Variants in CPT1A observed in about 807,000 individuals in gnomAD.
CPT1A encodes the protein carnitine O-palmitoyltransferase 1, liver isoform.
In CPT1A, 64 loss-of-function variants were observed where a neutral mutation model predicts 100.8. The ratio of observed to expected loss-of-function variants is 0.63; its 90% CI spans 0.52 to 0.78. CPT1A has a LOEUF of 0.78. Among genes scored for constraint, CPT1A ranks in the 30% least tolerant of loss-of-function variants. The pLI is 0.00. For synonymous variants in CPT1A, 363 were observed against 396.0 expected, an observed-to-expected ratio of 0.92 and a Z score of 0.99; for missense variants, 802 against 1,034.1, an observed-to-expected ratio of 0.78 and a Z score of 3.08.
Position 68,825,433 on chromosome 11 carries a change from C to T in CPT1A, c.-13-9946G>A, listed in dbSNP as rs116549125. On this transcript the variant is annotated intron_variant, in intron 1 of 18. Coordinates refer to ENST00000265641, the MANE Select transcript of CPT1A (RefSeq NM_001876.4). ...AACAGGGCTGGCAGCAGAGAAACGG[C>T]GTAACCCATCCGGAGCCAGGGAAGA... 7.8e-3 allele frequency among the ~76,000 whole-genome samples: 1,184 copies of T among 152,186 alleles called. 11 individuals carry two copies. The highest frequency in any genetic ancestry group is 0.027 in the African/African-American group (1,100 of 41,492).
In CPT1A at chr11:68,781,707, C is replaced by T. The variant is rs926256239; in HGVS notation, c.1352+64G>A. ...TAGATACTTAGGGGTGAGTGTCAGG[C>T]ACACAGGGTATTTCTTCCAAGCTCA... On this transcript the variant is annotated intron_variant, in intron 11 of 18. Coordinates refer to ENST00000265641, the MANE Select transcript of CPT1A (RefSeq NM_001876.4). 4 of 1,374,350 alleles carry T rather than the reference C, an allele frequency of 2.9e-6. No homozygotes were observed. The Admixed American group carries it at 6.7e-5, about 23-fold the overall frequency. The allele number at this position is 1,374,350 out of a possible 1,614,324, so 85.1% of individuals were successfully genotyped here. A position where few individuals can be genotyped will look rare whatever the true frequency, so the allele number is the denominator to read the frequency against.
At chr11:68,814,663 T>G (rs1361170954) in intron 2 of CPT1A, among the ~76,000 whole-genome samples, 1 of 151,802 alleles carries the variant, frequency 6.6e-6, no homozygotes, top group South Asian at 2.1e-4. Context: ...AGTTATTACA[T>G]CCACTTGCTG....
At chr11:68,773,904 T>C (rs1168993520) in intron 13 of CPT1A, 1 of 246,024 alleles carries the variant, frequency 4.1e-6, no homozygotes, top group African/African-American at 2.2e-5. Flanking sequence ...ACTATGAGCT[T>C]CCTCCAGCAG....
At chr11:68,815,941 C>T (rs1856376722) in intron 1 of CPT1A, among the ~76,000 whole-genome samples, 1 of 150,942 alleles carries the variant, frequency 6.6e-6, no homozygotes, top group African/African-American at 2.4e-5. Context: ...CCAACCCTGG[C>T]CCTGGACATT....
At chr11:68,827,946 G>A (rs145549442) in intron 1 of CPT1A, among the ~76,000 whole-genome samples, 1 of 152,298 alleles carries the variant, frequency 6.6e-6, no homozygotes, top group East Asian at 1.9e-4. Context: ...TTGTGTCCCT[G>A]CTGGGGCTCA....
At chr11:68,777,422 C>A (rs1463901331) in intron 12 of CPT1A, among the ~76,000 whole-genome samples, 1 of 152,028 alleles carries the variant, frequency 6.6e-6, no homozygotes, top group African/African-American at 2.4e-5. Flanking sequence ...AGAGCAAGAC[C>A]CTGTCTCAAA....
At chr11:68,779,491 T>TA (rs369619747) in intron 12 of CPT1A, among the ~76,000 whole-genome samples, 3,409 of 86,954 alleles carry the variant, frequency 0.039, 122 homozygotes, top group Non-Finnish European at 0.052. Context: ...AACGAATTAT[T>TA]AAAAAAAAAA....
intron 14 of CPT1A, among the ~76,000 whole-genome samples, chr11:68,763,238 C>G (rs1004295539): frequency 2.6e-5 from 4 of 152,038 alleles, no homozygotes; most frequent in Non-Finnish European, 5.9e-5. Flanking sequence ...TCAGGAAGGG[C>G]CTGGTGGAGG....
At chr11:68,760,198 C>T (rs200788271) in intron 17 of CPT1A, 27 bp downstream of exon 17, 108 of 1,528,078 alleles carry the variant, frequency 7.1e-5, no homozygotes, top group East Asian at 6.0e-4. Context: ...CGCCCCACTG[C>T]GCCTCGCCCA....
At chr11:68,781,615 A>G (rs1408506151) in intron 11 of CPT1A, among the ~76,000 whole-genome samples, 156 bp downstream of exon 11, 2 of 152,168 alleles carry the variant, frequency 1.3e-5, no homozygotes, top group African/African-American at 4.8e-5. Flanking sequence ...GCAAGACTCC[A>G]TTTCAAAAAA....
rs775639278 is a variant in CPT1A at position 68,762,651 on chromosome 11, C to T, written c.1851G>A (p.Arg617=). Residue 617 remains arginine, a synonymous_variant, in exon 15 of 19, where the codon CGG becomes CGA. Coordinates refer to ENST00000265641, the MANE Select transcript of CPT1A (RefSeq NM_001876.4). ...SCTTESCDFV[R]AMVDPAQTVE... ...CCGTCTGGGCCGGGTCCACCATGGC[C>T]CGCACGAAGTCGCATGACTCAGTGG... is the stretch of plus-strand genomic sequence containing the variant. 3.1e-6 allele frequency: 5 copies of T among 1,613,860 alleles called. No homozygotes were observed. The Admixed American group carries it at 8.3e-5, about 27-fold the overall frequency.
chr11:68,805,698 G>A (rs887473913), intron 4 of CPT1A, among the ~76,000 whole-genome samples: 1 of 152,224 alleles, frequency 6.6e-6, no homozygotes, highest in Non-Finnish European at 1.5e-5. Context: ...CCACGGATCA[G>A]CCCCATTCGA....
In CPT1A at chr11:68,773,392, T is replaced by C. The variant is rs1855050271; in HGVS notation, c.1613A>G (p.Asn538Ser). 6.2e-7 allele frequency: 1 copy of C among 1,614,030 alleles called. No homozygotes were observed. The highest frequency in any genetic ancestry group is 8.5e-7 in the Non-Finnish European group (1 of 1,179,998). Residue 538 changes from asparagine (N) to serine (S), a missense_variant, in exon 14 of 19, where the codon AAT becomes AGT. Asn to Ser is a conservative substitution (Grantham distance 46). This residue lies in a region of CPT1A where 627 missense variants were observed against 799.3 expected (regional missense o/e 0.78). Coordinates refer to ENST00000265641, the MANE Select transcript of CPT1A (RefSeq NM_001876.4). ...EVIETSLNTA[N>S]LLANDVDFHS... ...GAAATCCACGTCGTTTGCCAGAAGATTTGCGGTGTTCAGGGAGGTCTCTAT... is the reference window on the plus strand; with the variant it reads ...GAAATCCACGTCGTTTGCCAGAAGACTTGCGGTGTTCAGGGAGGTCTCTAT...
At chr11:68,835,254 C>T (rs1451843290) in intron 1 of CPT1A, among the ~76,000 whole-genome samples, 2 of 152,160 alleles carry the variant, frequency 1.3e-5, no homozygotes, top group Non-Finnish European at 2.9e-5. Flanking sequence ...TAGCCAGCAT[C>T]GGCACTCGGG....
At chr11:68,814,027 G>A (rs934163638) in intron 2 of CPT1A, among the ~76,000 whole-genome samples, 2 of 152,088 alleles carry the variant, frequency 1.3e-5, no homozygotes, top group South Asian at 2.1e-4. Context: ...TGCCGCCCTC[G>A]GAGAAGGAGC....
intron 1 of CPT1A, among the ~76,000 whole-genome samples, chr11:68,832,944 G>C (rs1043680562): frequency 6.6e-6 from 1 of 152,222 alleles, no homozygotes; most frequent in Non-Finnish European, 1.5e-5. Context: ...AGAAGGCGCT[G>C]TAGGCAGGGT....
At chr11:68,798,323 A>C (rs1195521424) in intron 6 of CPT1A, among the ~76,000 whole-genome samples, 1 of 152,210 alleles carries the variant, frequency 6.6e-6, no homozygotes, top group African/African-American at 2.4e-5. Context: ...AGTCCAGCAC[A>C]CCGGTGCAGC....
At chr11:68,840,576 G>T (rs977589073) in intron 1 of CPT1A, among the ~76,000 whole-genome samples, 1 of 152,252 alleles carries the variant, frequency 6.6e-6, no homozygotes, top group South Asian at 2.1e-4. Flanking sequence ...CCTGTGCCGA[G>T]TTGGGAATAT....
intron 14 of CPT1A, 96 bp downstream of exon 14, chr11:68,773,169 G>T: frequency 6.3e-7 from 1 of 1,582,864 alleles, no homozygotes. Context: ...CCTATGCCGG[G>T]TTTCGGGCCT....
Sources: allele counts gnomAD v4.1 joint callset (sites outside exome capture counted in the v4.1 genomes callset), GRCh38; gene constraint gnomAD v4.1.1; regional missense constraint gnomAD v4.1.1; transcripts MANE v1.5; gene names NCBI Gene and HGNC (gene_info 2026-07-23, HGNC 2026-07-21).